The following DNAJC6 variants were observed in gnomAD, a reference collection of about 807,000 sequenced individuals.
DNAJC6 encodes auxilin.
A neutral mutation model predicts 110.0 loss-of-function variants in DNAJC6; 34 were observed. The observed-to-expected ratio is 0.31, with a 90% CI of 0.24 to 0.41. The LOEUF is 0.41. Ranked by LOEUF, DNAJC6 falls within the 10% of genes least tolerant of loss-of-function variation. The pLI is 1.00. For missense variants in DNAJC6, 1,031 were observed against 1,207.8 expected, an observed-to-expected ratio of 0.85 and a Z score of 2.17; for synonymous variants, 406 against 437.2, an observed-to-expected ratio of 0.93 and a Z score of 0.89.
At chr1:65,410,746 T>C (rs1646120867) in intron 17 of DNAJC6, among the ~76,000 whole-genome samples, 1 of 152,228 alleles carries the variant, frequency 6.6e-6, no homozygotes, top group African/African-American at 2.4e-5. Context: ...TGCACCAGGT[T>C]ACTTATTTGG....
At chr1:65,409,341 G>A (rs1316033289) in intron 17 of DNAJC6, among the ~76,000 whole-genome samples, 2 of 152,234 alleles carry the variant, frequency 1.3e-5, no homozygotes, top group African/African-American at 4.8e-5. Context: ...CCCTTTAATA[G>A]CAAAGTAGCT....
chr1:65,359,261 C>T (rs1218289337), intron 1 of DNAJC6, among the ~76,000 whole-genome samples: 1 of 152,156 alleles, frequency 6.6e-6, no homozygotes, highest in Non-Finnish European at 1.5e-5. Context: ...TCCCAGGAAA[C>T]ACAAATTTTA....
intron 17 of DNAJC6, among the ~76,000 whole-genome samples, chr1:65,410,607 C>T (rs929123408): frequency 1.3e-4 from 20 of 152,210 alleles, no homozygotes; most frequent in African/African-American, 3.1e-4. Flanking sequence ...CTGTTAGGTA[C>T]TCAATGCTGA....
At chr1:65,294,394 T>C (rs1460259098) in intron 1 of DNAJC6, among the ~76,000 whole-genome samples, 1 of 152,210 alleles carries the variant, frequency 6.6e-6, no homozygotes, top group Admixed American at 6.5e-5. Context: ...TGGGACTGAT[T>C]AGTTGTTGAC....
intron 1 of DNAJC6, among the ~76,000 whole-genome samples, chr1:65,349,067 TACATATATAAAAATATATATGTAA>T (rs1361374207): frequency 4.4e-5 from 6 of 136,814 alleles, no homozygotes; most frequent in African/African-American, 2.8e-5. Flanking sequence ...TATATGTAAA[TACATATATAAAAATATATATGTAA>T]ATATATATAT....
chr1:65,326,157 A>G lies in DNAJC6; in HGVS notation c.193+16219A>G, dbSNP rs190051784. Among the ~76,000 whole-genome samples, 272 of 152,256 alleles carry G rather than the reference A, an allele frequency of 1.8e-3. 2 individuals carry two copies. Among genetic ancestry groups the G allele is most frequent in the African/African-American group, 6.2e-3 (258 of 41,544 alleles). ...GGGACCACTCCCCTCTCTCCCCACA[A>G]CAGTGTTGTCTGGGAGAGAACCTGG... On this transcript the variant is annotated intron_variant, in intron 1 of 18. Transcript: ENST00000371069.
intron 1 of DNAJC6, among the ~76,000 whole-genome samples, chr1:65,354,264 G>A (rs1404507518): frequency 2.0e-5 from 3 of 152,140 alleles, no homozygotes; most frequent in Non-Finnish European, 2.9e-5. Flanking sequence ...GAGGCAGGAT[G>A]GGGAAGTGAA....
At chr1:65,411,146 T>G in intron 17 of DNAJC6, 104 bp from the exon 18 acceptor site, 1 of 1,170,110 alleles carries the variant, frequency 8.5e-7, no homozygotes, top group Non-Finnish European at 1.2e-6. Flanking sequence ...TTGCCCTAAG[T>G]GTTTTGATGT....
intron 8 of DNAJC6, among the ~76,000 whole-genome samples, chr1:65,387,759 T>G (rs1645886462): frequency 6.6e-6 from 1 of 152,236 alleles, no homozygotes; most frequent in Admixed American, 6.5e-5. Context: ...AGGAATAATG[T>G]GGCAAGTAAT....
intron 1 of DNAJC6, among the ~76,000 whole-genome samples, chr1:65,321,564 A>G (rs1645197691): frequency 6.6e-6 from 1 of 152,104 alleles, no homozygotes; most frequent in Non-Finnish European, 1.5e-5. Flanking sequence ...AATTGAGAGG[A>G]AGGTACAAAG....
chr1:65,316,183 CA>C (rs1645146935), intron 1 of DNAJC6, among the ~76,000 whole-genome samples: 1 of 152,142 alleles, frequency 6.6e-6, no homozygotes, highest in Non-Finnish European at 1.5e-5. Context: ...CCCTTTGTGG[CA>C]CCTGTGAAAG....
chr1:65,289,954 C>A (rs530078754), intron 1 of DNAJC6, among the ~76,000 whole-genome samples: 1 of 151,840 alleles, frequency 6.6e-6, no homozygotes, highest in East Asian at 1.9e-4. Flanking sequence ...GGATTATAGG[C>A]GCCCACTGCC....
At chr1:65,338,926 T>C (rs1437747343) in intron 1 of DNAJC6, among the ~76,000 whole-genome samples, 4 of 152,208 alleles carry the variant, frequency 2.6e-5, no homozygotes, top group Admixed American at 2.0e-4. Context: ...CATTCATCTT[T>C]GCAAACTCCA....
chr1:65,347,698 TC>T (rs1399020624), intron 1 of DNAJC6, among the ~76,000 whole-genome samples: 1 of 151,854 alleles, frequency 6.6e-6, no homozygotes, highest in Non-Finnish European at 1.5e-5. Flanking sequence ...TTGTCTCCCC[TC>T]CCCTCAACAC....
At chr1:65,383,663 C>T (rs1412033295) in intron 5 of DNAJC6, among the ~76,000 whole-genome samples, 2 of 152,218 alleles carry the variant, frequency 1.3e-5, no homozygotes, top group African/African-American at 4.8e-5. Flanking sequence ...AATACCATCA[C>T]ATTGGGGTTA....
At chr1:65,403,192 T>C (rs1646045440) in intron 15 of DNAJC6, among the ~76,000 whole-genome samples, 1 of 152,216 alleles carries the variant, frequency 6.6e-6, no homozygotes, top group African/African-American at 2.4e-5. Flanking sequence ...CTACTTAAAG[T>C]GTTTTACATA....
chr1:65,380,916 G>GTT (rs796797174), intron 5 of DNAJC6, among the ~76,000 whole-genome samples: 4,714 of 92,212 alleles, frequency 0.051, 139 homozygotes, highest in East Asian at 0.088. Flanking sequence ...TTTTTGTTTT[G>GTT]TTTTGTTTTT....
Position 65,413,758 on chromosome 1 carries a change from T to C in DNAJC6, c.*733T>C, listed in dbSNP as rs1274649726. ...TTAGGAAGGTGGGCCGCTACCCTTCTTTCCCTTTAGAAAACTGTGATTAAT... is the reference window on the plus strand; with the variant it reads ...TTAGGAAGGTGGGCCGCTACCCTTCCTTCCCTTTAGAAAACTGTGATTAAT... On this transcript the variant is annotated 3_prime_UTR_variant, in exon 19 of 19. Transcript: ENST00000371069. The C allele has an allele frequency of 1.3e-5, 2 of 152,242 alleles. No homozygotes were observed. The highest frequency in any genetic ancestry group is 4.8e-5 in the African/African-American group (2 of 41,452). 9.4% of individuals were successfully genotyped at this position (152,242 alleles called of 1,614,324 possible).
chr1:65,373,574 CT>C (rs1336118768), intron 4 of DNAJC6, among the ~76,000 whole-genome samples: 5 of 149,618 alleles, frequency 3.3e-5, no homozygotes, highest in African/African-American at 9.8e-5. Flanking sequence ...ATTTCTATGT[CT>C]TCTTTGGAAG....
Sources: allele counts gnomAD v4.1 joint callset (sites outside exome capture counted in the v4.1 genomes callset), GRCh38; gene constraint gnomAD v4.1.1; transcripts MANE v1.5; gene names NCBI Gene and HGNC (gene_info 2026-07-23, HGNC 2026-07-21).